ALMS1: variants seen among roughly 807,000 people sequenced by gnomAD.
ALMS1 encodes the protein ALMS1 centrosome and basal body associated protein, also known as centrosome-associated protein ALMS1.
A neutral mutation model predicts 352.2 loss-of-function variants in ALMS1; 271 were observed. That is an observed-to-expected ratio of 0.77 (90% confidence interval 0.70 to 0.85). The LOEUF is 0.85. ALMS1 is among the 40% of genes least tolerant of loss of function. The pLI is 0.00. For missense variants in ALMS1, 5,445 were observed against 4,870.7 expected (o/e 1.12, Z -3.51); for synonymous variants, 1,865 against 1,761.2 (o/e 1.06, Z -1.48).
chr2:73,519,315 C>G (rs911150275), intron 10 of ALMS1, among the ~76,000 whole-genome samples: 1 of 152,114 alleles, frequency 6.6e-6, no homozygotes, highest in African/African-American at 2.4e-5. Context: ...ACTTGCTCCA[C>G]TCTGTTTTAA....
chr2:73,459,026 A>C, intron 9 of ALMS1: 1 of 151,676 alleles, frequency 6.6e-6, no homozygotes, highest in East Asian at 1.9e-4. Flanking sequence ...TTGATGAAAA[A>C]CCTGTTATAA....
intron 12 of ALMS1, among the ~76,000 whole-genome samples, chr2:73,547,566 A>G (rs1674347914): frequency 6.6e-6 from 1 of 152,204 alleles, no homozygotes; most frequent in Non-Finnish European, 1.5e-5. Flanking sequence ...GTCTAAAACA[A>G]TGGACTCCCA....
At chr2:73,436,415 T>C (rs570525570) in intron 7 of ALMS1, among the ~76,000 whole-genome samples, 1 of 152,354 alleles carries the variant, frequency 6.6e-6, no homozygotes, top group Admixed American at 6.5e-5. Flanking sequence ...ATAGTTAATA[T>C]CTTTTGTCTA....
Position 73,480,054 on chromosome 2 carries a change from TTTTTTA to T in ALMS1, c.7675-9564_7675-9559del, listed in dbSNP as rs1431341072. Among the ~76,000 whole-genome samples, 6 of 151,886 alleles carry T rather than the reference TTTTTTA, an allele frequency of 4.0e-5. No homozygotes were observed. In the South Asian group the frequency reaches 1.0e-3, roughly 26 times the overall value. On this transcript the variant is annotated intron_variant, in intron 9 of 22. Transcript: ENST00000613296. Reference sequence around the variant, plus strand: ...TGTCTGTATCTTTTGCCCATTTTCTTTTTTTATTTTTATTTTTATTTATTTATTTTT... The same window carrying T: ...TGTCTGTATCTTTTGCCCATTTTCTTTTTTTATTTTTATTTATTTATTTTT...
At position 73,573,185 on chromosome 2, in the gene ALMS1, G is replaced by T. The variant is rs746414191; in HGVS notation, c.11308G>T (p.Asp3770Tyr). 2 of 1,612,758 alleles carry T rather than the reference G, an allele frequency of 1.2e-6. No individual in the cohort carries two copies. Among genetic ancestry groups the T allele is most frequent in the Non-Finnish European group, 1.7e-6 (2 of 1,179,236 alleles). The change falls in exon 16 of 23, where the codon GAT becomes TAT. Residue 3770 changes from aspartate (D) to tyrosine (Y), a missense_variant. Coordinates refer to ENST00000613296, the MANE Select transcript of ALMS1 (RefSeq NM_001378454.1). Reference sequence around the variant, plus strand: ...CGAATCAGATATATTGACCCAAACAGATAGAGAGGTGGCTCTGCACGAAAG... The same window carrying T: ...CGAATCAGATATATTGACCCAAACATATAGAGAGGTGGCTCTGCACGAAAG... ...TVESDILTQT[D>Y]REVALHERSS...
rs555288576 is a variant in ALMS1, at chr2:73,432,754, A to G, written c.1432+463A>G. On this transcript the variant is annotated intron_variant, in intron 7 of 22. Transcript: ENST00000613296. The stretch of plus-strand genomic sequence containing the variant: ...ACCTTGGGGATTAGGATTTCAACCT[A>G]TACTTTTCAGGGGGGACACAAACAT... 4.6e-5 allele frequency among the ~76,000 whole-genome samples: 7 copies of G among 152,282 alleles called. No homozygotes were observed. In the East Asian group the frequency reaches 9.6e-4, roughly 21 times the overall value.
rs144115802 is a variant in ALMS1, at chr2:73,515,601, A to G, written c.9540-4174A>G. On this transcript the variant is annotated intron_variant, in intron 10 of 22. Coordinates refer to ENST00000613296, the MANE Select transcript of ALMS1 (RefSeq NM_001378454.1). ...CGAAAATTAGAGCTGAACTGTATGA[A>G]ATTGAGATGCGAAAATCCATACAAA... Among the ~76,000 whole-genome samples, 893 of 152,272 alleles carry G rather than the reference A, an allele frequency of 5.9e-3. 10 individuals are homozygous for G. The highest frequency in any genetic ancestry group is 0.037 in the Middle Eastern group (11 of 294).
chr2:73,540,681 C>T (rs1304947087), intron 12 of ALMS1, among the ~76,000 whole-genome samples: 2 of 152,132 alleles, frequency 1.3e-5, no homozygotes, highest in Admixed American at 1.3e-4. Context: ...AGAGGAAGAT[C>T]TACCAAGCAA....
chr2:73,512,421 A>G (rs1225883057), intron 10 of ALMS1, among the ~76,000 whole-genome samples: 1 of 150,092 alleles, frequency 6.7e-6, no homozygotes, highest in Non-Finnish European at 1.5e-5. Context: ...AGCCTTCCTG[A>G]TTGGTATATA....
intron 2 of ALMS1, among the ~76,000 whole-genome samples, chr2:73,416,016 TG>T (rs1319731047): frequency 6.6e-6 from 1 of 152,170 alleles, no homozygotes; most frequent in Non-Finnish European, 1.5e-5. Flanking sequence ...GGTCAGAGGA[TG>T]GACAGAAAGA....
chr2:73,453,514 C>T lies in ALMS1; in HGVS notation c.6987C>T (p.Ser2329=). The T allele has an allele frequency of 3.7e-6, 6 of 1,613,622 alleles. No individual in the cohort carries two copies. The highest frequency in any genetic ancestry group is 5.1e-6 in the Non-Finnish European group (6 of 1,179,952). Residue 2329 remains serine (S), a synonymous_variant, in exon 8 of 23, where the codon AGC becomes AGT. Transcript: ENST00000613296. ...RQPFTEESPS[S]RCIQKDIGTQ... is the part of the protein sequence containing the mutation. The stretch of plus-strand genomic sequence containing the variant: ...CATTCACAGAGGAAAGCCCAAGCAG[C>T]AGGTGCATACAGAAGGATATTGGCA...
chr2:73,568,974 T>C (rs1283767354), intron 15 of ALMS1, among the ~76,000 whole-genome samples: 6 of 148,906 alleles, frequency 4.0e-5, no homozygotes, highest in Non-Finnish European at 8.9e-5. Context: ...GAATTCAGCT[T>C]GCTTGCTGCT....
At chr2:73,466,070 G>A (rs570836942) in intron 9 of ALMS1, among the ~76,000 whole-genome samples, 1 of 152,184 alleles carries the variant, frequency 6.6e-6, no homozygotes, top group Admixed American at 6.5e-5. Flanking sequence ...GTGGAAGTCA[G>A]TGTGTCGATT....
chr2:73,539,915 G>C (rs534915230), intron 12 of ALMS1, among the ~76,000 whole-genome samples: 3 of 152,140 alleles, frequency 2.0e-5, no homozygotes, highest in African/African-American at 7.2e-5. Flanking sequence ...TGAAAGTGAC[G>C]GGGAGAATGG....
chr2:73,452,613 C>T lies in ALMS1; in HGVS notation c.6086C>T (p.Thr2029Ile). 1 of 1,614,072 alleles carries T rather than the reference C, an allele frequency of 6.2e-7. No homozygotes were observed. Among genetic ancestry groups the T allele is most frequent in the Non-Finnish European group, 8.5e-7 (1 of 1,180,002 alleles). Residue 2029 changes from threonine to isoleucine, a missense_variant, in exon 8 of 23, where the codon ACT (threonine) becomes ATT (isoleucine). Transcript: ENST00000613296. ...YSQIEKPKIS[T>I]VIGPNDQKTP... ...CAAATAGAGAAGCCCAAGATTTCAA[C>T]TGTGATTGGACCAAATGACCAGAAG... is the stretch of plus-strand genomic sequence containing the variant.
intron 15 of ALMS1, among the ~76,000 whole-genome samples, chr2:73,567,805 C>G (rs1674834002): frequency 6.6e-6 from 1 of 152,108 alleles, no homozygotes; most frequent in Non-Finnish European, 1.5e-5. Context: ...TCTGACTTTT[C>G]TAATAAATTT....
chr2:73,473,192 G>T (rs928770366), intron 9 of ALMS1, among the ~76,000 whole-genome samples: 2 of 152,000 alleles, frequency 1.3e-5, no homozygotes, highest in Non-Finnish European at 2.9e-5. Flanking sequence ...AGATATAGTT[G>T]TAAACAGCCT....
rs776067226 is a variant in ALMS1 at position 73,453,078 on chromosome 2, T to C, written c.6551T>C (p.Val2184Ala). The change falls in exon 8 of 23, where the codon GTT becomes GCT. Residue 2184 changes from valine (V) to alanine (A), a missense_variant. By Grantham distance (64) the Val-to-Ala change is moderately conservative (BLOSUM62 0). Coordinates refer to ENST00000613296, the MANE Select transcript of ALMS1 (RefSeq NM_001378454.1). ...QADQITGLQT[V>A]PSGTYSHGEN... The stretch of plus-strand genomic sequence containing the variant: ...GATCAAATTACCGGATTACAAACAG[T>C]TCCCTCTGGTACTTACTCACATGGT... The C allele has an allele frequency of 6.2e-7, 1 of 1,614,050 alleles. No individual in the cohort carries two copies. The highest frequency in any genetic ancestry group is 1.1e-5 in the South Asian group (1 of 91,066).
Position 73,609,554 on chromosome 2 carries a change from C to T in ALMS1, c.12463-14C>T, listed in dbSNP as rs766656843. 1 of 1,614,042 alleles carries T rather than the reference C, an allele frequency of 6.2e-7. No homozygotes were observed. The highest frequency in any genetic ancestry group is 2.2e-5 in the East Asian group (1 of 44,874). On this transcript the variant is annotated splice_polypyrimidine_tract_variant and intron_variant, in intron 22 of 22. Transcript: ENST00000613296. ...AATATCTAACTTCTTTCCTGCCTTT[C>T]TTTTCTTCTACAGAGAGTGACCAAT...
Sources: gnomAD v4.1 joint callset for allele counts (sites outside exome capture counted in the v4.1 genomes callset) on GRCh38, gnomAD v4.1.1 for gene constraint, MANE v1.5 for transcripts, NCBI Gene and HGNC (gene_info 2026-07-23, HGNC 2026-07-21) for gene names.